The following PLB1 variants were observed in gnomAD, a reference collection of about 807,000 sequenced individuals.
PLB1 encodes phospholipase B1.
In PLB1, 242 loss-of-function variants were observed where a neutral mutation model predicts 227.4. The observed-to-expected ratio is 1.06, with a 90% CI of 0.96 to 1.18. PLB1 has a LOEUF of 1.18. PLB1 is among the 50% of genes most tolerant of loss of function. The pLI, the probability that PLB1 is intolerant of heterozygous loss-of-function variation, is 0.00. For missense variants in PLB1, 1,858 were observed against 1,816.3 expected, an observed-to-expected ratio of 1.02 and a Z score of -0.42; for synonymous variants, 757 against 682.2, an observed-to-expected ratio of 1.11 and a Z score of -1.71.
chr2:28,517,262 G>A (rs1489241023), intron 2 of PLB1, among the ~76,000 whole-genome samples: 1 of 147,448 alleles, frequency 6.8e-6, no homozygotes, highest in Non-Finnish European at 1.5e-5. Flanking sequence ...TACTTCAAGA[G>A]AAACTGTGTT....
At position 28,600,846 on chromosome 2, in the gene PLB1, A is replaced by G. The variant is rs755429183; in HGVS notation, c.2512A>G (p.Met838Val). 6.2e-7 allele frequency: 1 copy of G among 1,611,822 alleles called. No individual in the cohort carries two copies. Among genetic ancestry groups the G allele is most frequent in the Non-Finnish European group, 8.5e-7 (1 of 1,177,864 alleles). ...CCAAGTCCAAACTCTGATGCAGAAG[A>G]TGAAAGATGATCATGTGAGTCAGAT... Reference protein sequence around the residue: ...MSQVQTLMQKMKDDHRVNFHE... With the variant: ...MSQVQTLMQKVKDDHRVNFHE... Residue 838 changes from methionine to valine, a missense_variant, in exon 36 of 58, where the codon ATG becomes GTG. By Grantham distance (21) the Met-to-Val change is conservative (BLOSUM62 1). Transcript: ENST00000327757.
At chr2:28,502,631 A>G (rs1326432136) in intron 1 of PLB1, among the ~76,000 whole-genome samples, 1 of 152,190 alleles carries the variant, frequency 6.6e-6, no homozygotes, top group Non-Finnish European at 1.5e-5. Context: ...TAGTTTGCTA[A>G]CAATTGTTTC....
intron 4 of PLB1, among the ~76,000 whole-genome samples, chr2:28,521,514 T>A (rs1669531625): frequency 6.6e-6 from 1 of 152,226 alleles, no homozygotes; most frequent in African/African-American, 2.4e-5. Flanking sequence ...AGGTGATGTC[T>A]CATGGTGGTT....
At chr2:28,550,436 G>A (rs559626173) in intron 16 of PLB1, among the ~76,000 whole-genome samples, 22 of 151,364 alleles carry the variant, frequency 1.5e-4, no homozygotes, top group African/African-American at 3.9e-4. Flanking sequence ...TCAGCCTCCC[G>A]AAGTGCTGGG....
Position 28,630,346 on chromosome 2 carries a change from C to T in PLB1, c.3819-240C>T, listed in dbSNP as rs1052823656. On this transcript the variant is annotated intron_variant, in intron 53 of 57. Coordinates refer to ENST00000327757, the MANE Select transcript of PLB1 (RefSeq NM_153021.5). Reference sequence around the variant, plus strand: ...CCAGGCAACAGCTTTCCCTCTTTCTCTATGAACAATCATCCTCTGGACCTC... The same window carrying T: ...CCAGGCAACAGCTTTCCCTCTTTCTTTATGAACAATCATCCTCTGGACCTC... Among the ~76,000 whole-genome samples, 3 of 152,190 alleles carry T rather than the reference C, an allele frequency of 2.0e-5. No homozygotes were observed. The South Asian group carries it at 6.2e-4, about 32-fold the overall frequency.
At position 28,529,215 on chromosome 2, in the gene PLB1, GATT is replaced by G. The variant is rs1489828952; in HGVS notation, c.326-99_326-97del. The G allele has an allele frequency of 2.7e-5, 21 of 769,938 alleles. No individual in the cohort carries two copies. In the East Asian group the frequency reaches 5.0e-4, roughly 18 times the overall value. The allele number at this position is 769,938 out of a possible 1,614,324, so 47.7% of individuals were successfully genotyped here. On this transcript the variant is annotated intron_variant, in intron 6 of 57. Transcript: ENST00000327757. ...CTGCCTCAGCCTCCCAAGGTACTGA[GATT>G]ATAGGCATGAGCCACCACTCCTGGC...
chr2:28,521,875 C>T (rs1669574035), intron 4 of PLB1, among the ~76,000 whole-genome samples: 2 of 151,980 alleles, frequency 1.3e-5, no homozygotes, highest in South Asian at 4.2e-4. Context: ...TCTTTCTCCC[C>T]CAGAGCCTCC....
In PLB1 at chr2:28,582,054, T is replaced by C. The variant is rs1439590920; in HGVS notation, c.1567-14T>C. The C allele has an allele frequency of 6.2e-7, 1 of 1,610,254 alleles. No homozygotes were observed. Among genetic ancestry groups the C allele is most frequent in the East Asian group, 2.2e-5 (1 of 44,848 alleles). On this transcript the variant is annotated splice_polypyrimidine_tract_variant and intron_variant, in intron 23 of 57. Transcript: ENST00000327757. ...TGACAAATGGTGTTCAAGGGACACT[T>C]CCTCTTCCTGCAGGTCCACTATTCT...
Position 28,532,186 on chromosome 2 carries a change from G to T in PLB1, c.547G>T (p.Ala183Ser). 1 of 1,610,742 alleles carries T rather than the reference G, an allele frequency of 6.2e-7. No individual in the cohort carries two copies. Among genetic ancestry groups the T allele is most frequent in the Non-Finnish European group, 8.5e-7 (1 of 1,178,022 alleles). Residue 183 changes from alanine to serine, a missense_variant, in exon 9 of 58, where the codon GCT becomes TCT. Coordinates refer to ENST00000327757, the MANE Select transcript of PLB1 (RefSeq NM_153021.5). ...NASQCYLCPSAQQNGLAAGGV... is the reference protein window; with the variant it reads ...NASQCYLCPSSQQNGLAAGGV... ...AAGCCAGTGTTACCTGTGCCCCTCT[G>T]CTCAACAGGTAAATGGCAGCCTTGG...
chr2:28,547,272 C>T (rs1373062834), intron 14 of PLB1, among the ~76,000 whole-genome samples: 1 of 151,730 alleles, frequency 6.6e-6, no homozygotes, highest in Non-Finnish European at 1.5e-5. Flanking sequence ...ACCTGGCCCT[C>T]ACCCAGGCCT....
chr2:28,508,348 C>G (rs565105195), intron 1 of PLB1, among the ~76,000 whole-genome samples: 36 of 152,316 alleles, frequency 2.4e-4, no homozygotes, highest in African/African-American at 8.7e-4. Flanking sequence ...CAGAAGGGTT[C>G]TCTGCTCCCC....
intron 20 of PLB1, among the ~76,000 whole-genome samples, chr2:28,572,513 C>G (rs1678179776): frequency 6.6e-6 from 1 of 152,168 alleles, no homozygotes; most frequent in African/African-American, 2.4e-5. Context: ...GCCCCATCAA[C>G]TGAAGAATGG....
chr2:28,606,684 C>T (rs910081925), intron 43 of PLB1, 117 bp downstream of exon 43: 2 of 935,278 alleles, frequency 2.1e-6, no homozygotes, highest in Non-Finnish European at 3.4e-6. Context: ...TTACTGAGGC[C>T]TGAGAGATTT....
At chr2:28,619,989 A>G (rs1686794061) in intron 46 of PLB1, among the ~76,000 whole-genome samples, 1 of 152,124 alleles carries the variant, frequency 6.6e-6, no homozygotes, top group Non-Finnish European at 1.5e-5. Flanking sequence ...TGAGGGTCTC[A>G]GTTAGGAACA....
intron 11 of PLB1, among the ~76,000 whole-genome samples, chr2:28,539,955 C>A (rs1167562001): frequency 1.0e-4 from 15 of 150,702 alleles, no homozygotes; most frequent in African/African-American, 3.4e-4. Flanking sequence ...AGCCACCCTC[C>A]AGGGAGAGCT....
intron 1 of PLB1, among the ~76,000 whole-genome samples, chr2:28,508,384 A>C (rs1282489222): frequency 6.6e-6 from 1 of 152,186 alleles, no homozygotes; most frequent in Non-Finnish European, 1.5e-5. Context: ...TGGTGGCAGC[A>C]CGTGACTGGC....
chr2:28,638,579 C>T (rs1319715180), intron 56 of PLB1, among the ~76,000 whole-genome samples: 1 of 151,834 alleles, frequency 6.6e-6, no homozygotes, highest in Non-Finnish European at 1.5e-5. Context: ...AGGGTCAGGG[C>T]AGAGGAGGAG....
intron 21 of PLB1, 52 bp downstream of exon 21, chr2:28,573,357 G>A (rs747258951): frequency 2.1e-6 from 3 of 1,401,872 alleles, no homozygotes; most frequent in Non-Finnish European, 3.0e-6. Flanking sequence ...TGAGGACCAG[G>A]GGTGGGCTTG....
chr2:28,544,746 G>A (rs1025138693), intron 14 of PLB1, among the ~76,000 whole-genome samples: 9 of 152,162 alleles, frequency 5.9e-5, no homozygotes, highest in Non-Finnish European at 1.0e-4. Flanking sequence ...AGGAGGTCAC[G>A]GAGGGCGTTC....
Sources: gnomAD v4.1 joint callset for allele counts (sites outside exome capture counted in the v4.1 genomes callset) on GRCh38, gnomAD v4.1.1 for gene constraint, MANE v1.5 for transcripts, NCBI Gene and HGNC (gene_info 2026-07-23, HGNC 2026-07-21) for gene names.